The following MYRFL variants were observed in gnomAD, a reference collection of about 807,000 sequenced individuals.
MYRFL encodes myelin regulatory factor like.
MYRFL carries 88 observed loss-of-function variants against 109.4 expected under a neutral mutation model. The observed-to-expected ratio is 0.80, with a 90% CI of 0.68 to 0.96. The LOEUF (loss-of-function observed/expected upper bound fraction) is 0.96, where lower values mean the gene tolerates loss of function less well. MYRFL is among the 40% of genes least tolerant of loss of function. The pLI is 0.00. For missense variants in MYRFL, 957 were observed against 954.9 expected, an observed-to-expected ratio of 1.00 and a Z score of -0.03; for synonymous variants, 324 against 320.9, an observed-to-expected ratio of 1.01 and a Z score of -0.10.
At chr12:69,847,990 T>G (rs912134052) in intron 1 of MYRFL, among the ~76,000 whole-genome samples, 1 of 152,184 alleles carries the variant, frequency 6.6e-6, no homozygotes, top group Admixed American at 6.5e-5. Context: ...GCCTGTTTTC[T>G]TCTAGTAATA....
At chr12:69,830,485 A>C (rs547886684) in intron 1 of MYRFL, among the ~76,000 whole-genome samples, 1 of 149,528 alleles carries the variant, frequency 6.7e-6, no homozygotes, top group African/African-American at 2.4e-5. Flanking sequence ...AGAGATATCT[A>C]TATATATATA....
intron 5 of MYRFL, among the ~76,000 whole-genome samples, chr12:69,884,568 T>C (rs546682842): frequency 1.3e-4 from 20 of 152,324 alleles, no homozygotes; most frequent in South Asian, 6.2e-4. Flanking sequence ...CCTGAGAACA[T>C]TGACCTTGCT....
At chr12:69,889,682 C>T (rs1484035286) in intron 6 of MYRFL, among the ~76,000 whole-genome samples, 1 of 152,082 alleles carries the variant, frequency 6.6e-6, no homozygotes, top group African/African-American at 2.4e-5. Flanking sequence ...GGCGAAACCC[C>T]ATCTTTACTA....
chr12:69,843,636 G>T (rs12302884), intron 1 of MYRFL, among the ~76,000 whole-genome samples: 1,884 of 152,220 alleles, frequency 0.012, 41 homozygotes, highest in African/African-American at 0.042. Flanking sequence ...AGGTCCTGTG[G>T]GTACAACTTG....
chr12:69,904,882 C>T (rs566513763), intron 11 of MYRFL, among the ~76,000 whole-genome samples: 1 of 152,174 alleles, frequency 6.6e-6, no homozygotes, highest in Non-Finnish European at 1.5e-5. Flanking sequence ...GCCCCTCTTC[C>T]AGACTGCATT....
chr12:69,939,031 C>T (rs1033298942), intron 19 of MYRFL, among the ~76,000 whole-genome samples: 9 of 152,192 alleles, frequency 5.9e-5, no homozygotes, highest in Non-Finnish European at 8.8e-5. Context: ...GCACCTGGCT[C>T]GGAGGGTCCT....
At chr12:69,881,622 G>A (rs1389883727) in intron 5 of MYRFL, among the ~76,000 whole-genome samples, 1 of 152,234 alleles carries the variant, frequency 6.6e-6, no homozygotes, top group African/African-American at 2.4e-5. Flanking sequence ...CACCCTGTCA[G>A]TCAAGTCCCA....
intron 1 of MYRFL, among the ~76,000 whole-genome samples, chr12:69,854,218 G>A (rs1309936320): frequency 6.6e-6 from 1 of 152,118 alleles, no homozygotes; most frequent in African/African-American, 2.4e-5. Flanking sequence ...GGCGGCGCGT[G>A]CCTGCAATCT....
intron 12 of MYRFL, among the ~76,000 whole-genome samples, chr12:69,910,556 T>G (rs1954528498): frequency 6.9e-6 from 1 of 145,264 alleles, no homozygotes; most frequent in Non-Finnish European, 1.5e-5. Flanking sequence ...AGAAAGGAAA[T>G]CAAGCCAACG....
chr12:69,945,197 A>G (rs1480412947), intron 19 of MYRFL, among the ~76,000 whole-genome samples: 1 of 152,198 alleles, frequency 6.6e-6, no homozygotes, highest in Non-Finnish European at 1.5e-5. Flanking sequence ...AATTTTAAAA[A>G]TAAATTTAGT....
At chr12:69,926,506 G>A (rs2120446011) in intron 13 of MYRFL, 65 bp from the exon 14 acceptor site, 8 of 1,322,776 alleles carry the variant, frequency 6.0e-6, no homozygotes, top group Non-Finnish European at 6.9e-6. Context: ...TGAATGGGCT[G>A]TAGACAGCTT....
At chr12:69,872,021 A>G (rs1315380784) in intron 2 of MYRFL, among the ~76,000 whole-genome samples, 1 of 149,142 alleles carries the variant, frequency 6.7e-6, no homozygotes, top group East Asian at 1.9e-4. Context: ...ACAATTGTCT[A>G]CATCTTTTAG....
chr12:69,910,498 A>T (rs2120388697), intron 12 of MYRFL, among the ~76,000 whole-genome samples: 1 of 152,218 alleles, frequency 6.6e-6, no homozygotes, highest in African/African-American at 2.4e-5. Flanking sequence ...AGCCTAAAGA[A>T]GGAAGGAATA....
chr12:69,859,311 C>T (rs1884493657), intron 2 of MYRFL, among the ~76,000 whole-genome samples: 1 of 152,154 alleles, frequency 6.6e-6, no homozygotes, highest in Non-Finnish European at 1.5e-5. Context: ...AGAATGCTCA[C>T]TGTGCTGTTG....
At chr12:69,891,537 A>G (rs1886802700) in intron 7 of MYRFL, among the ~76,000 whole-genome samples, 1 of 147,868 alleles carries the variant, frequency 6.8e-6, no homozygotes, top group African/African-American at 2.5e-5. Context: ...AAACATTGCA[A>G]GACAAGTTAA....
At position 69,916,977 on chromosome 12, in the gene MYRFL, ATC is replaced by A. The variant is rs565983205; in HGVS notation, c.1602+6054_1602+6055del. Among the ~76,000 whole-genome samples, 11 of 152,078 alleles carry A rather than the reference ATC, an allele frequency of 7.2e-5. No individual in the cohort carries two copies. In the South Asian group the frequency reaches 2.3e-3, roughly 32 times the overall value. On this transcript the variant is annotated intron_variant, in intron 13 of 24. Coordinates refer to ENST00000552032, the MANE Select transcript of MYRFL (RefSeq NM_182530.3). ...CGTTTCCCTGTGCTGCCTAGCTTTC[ATC>A]TCTCTCCAGTAGCTTCCACGGCTCC...
intron 16 of MYRFL, chr12:69,935,807 TA>T: frequency 2.6e-6 from 1 of 377,414 alleles, no homozygotes; most frequent in South Asian, 6.0e-5. Context: ...CTTCCTCTTG[TA>T]ATCTTCCACT....
intron 13 of MYRFL, among the ~76,000 whole-genome samples, chr12:69,914,156 A>G (rs895592770): frequency 2.0e-5 from 3 of 152,078 alleles, no homozygotes; most frequent in Admixed American, 1.3e-4. Context: ...GTATCCTGCT[A>G]CTTTGCTGAG....
chr12:69,908,598 G>T (rs1431286162), intron 11 of MYRFL, among the ~76,000 whole-genome samples: 2 of 152,168 alleles, frequency 1.3e-5, no homozygotes, highest in African/African-American at 4.8e-5. Flanking sequence ...GTGTCCCTGA[G>T]AATATTTTCA....
Sources: gnomAD v4.1 joint callset for allele counts (sites outside exome capture counted in the v4.1 genomes callset) on GRCh38, gnomAD v4.1.1 for gene constraint, MANE v1.5 for transcripts, NCBI Gene and HGNC (gene_info 2026-07-23, HGNC 2026-07-21) for gene names.